ZPBP: variants seen among roughly 807,000 people sequenced by gnomAD.
The protein encoded by ZPBP is zona pellucida-binding protein 1.
Under a neutral mutation model 44.8 loss-of-function variants are expected in ZPBP, and 26 were observed. The observed-to-expected ratio is 0.58, with a 90% CI of 0.43 to 0.81. ZPBP has a LOEUF of 0.81. ZPBP is among the 30% of genes least tolerant of loss of function. The pLI is 0.00. For synonymous variants in ZPBP, 174 were observed against 153.2 expected, an observed-to-expected ratio of 1.14 and a Z score of -1.00; for missense variants, 409 against 434.0, an observed-to-expected ratio of 0.94 and a Z score of 0.51.
chr7:49,841,154 T>A, the ZPBP span, among the ~76,000 whole-genome samples: 1 of 152,190 alleles, frequency 6.6e-6, no homozygotes, highest in South Asian at 2.1e-4. Context: ...CAGGAGGGAT[T>A]CCAGAGCAAG....
intron 7 of ZPBP, among the ~76,000 whole-genome samples, chr7:49,965,449 C>T (rs1305422456): frequency 6.6e-6 from 1 of 151,900 alleles, no homozygotes; most frequent in African/African-American, 2.4e-5. Flanking sequence ...TAAAAGAAGA[C>T]ATTTAGATAT....
intron 4 of ZPBP, among the ~76,000 whole-genome samples, chr7:50,049,374 G>T (rs1317141594): frequency 6.6e-6 from 1 of 151,754 alleles, no homozygotes; most frequent in African/African-American, 2.4e-5. Context: ...CTATATACCA[G>T]TATCTCTTAT....
At chr7:50,012,364 T>C (rs1798627717) in intron 6 of ZPBP, among the ~76,000 whole-genome samples, 1 of 151,846 alleles carries the variant, frequency 6.6e-6, no homozygotes, top group African/African-American at 2.4e-5. Context: ...CTATCAAACA[T>C]CTTAAGGAAA....
At chr7:49,929,430 C>G (rs866833647) in intron 1 of ZPBP, among the ~76,000 whole-genome samples, 1 of 152,230 alleles carries the variant, frequency 6.6e-6, no homozygotes, top group Middle Eastern at 3.4e-3. Context: ...AGGCCTCTGA[C>G]TTCTCAAAGA....
rs974235535 is a variant in ZPBP, at chr7:49,937,678, A to T, written c.962-56T>A. On this transcript the variant is annotated intron_variant, in intron 7 of 7. Coordinates refer to ENST00000046087, the MANE Select transcript of ZPBP (RefSeq NM_007009.3). The stretch of plus-strand genomic sequence containing the variant: ...ATTTTCCTAATACACATAATATAAA[A>T]TTTCCAATCTCAATTCTTTTAAGTG... The T allele has an allele frequency of 2.2e-6, 3 of 1,370,938 alleles. No homozygotes were observed. The African/African-American group carries it at 4.3e-5, about 20-fold the overall frequency. 84.9% of individuals were successfully genotyped at this position (1,370,938 alleles called of 1,614,324 possible).
intron 5 of ZPBP, among the ~76,000 whole-genome samples, chr7:50,028,602 A>C (rs926083987): frequency 5.9e-5 from 9 of 152,126 alleles, no homozygotes; most frequent in East Asian, 1.9e-4. Context: ...CACACACACA[A>C]AAAAAACACT....
At chr7:50,063,355 A>T (rs79126795) in intron 3 of ZPBP, among the ~76,000 whole-genome samples, 1 of 152,248 alleles carries the variant, frequency 6.6e-6, no homozygotes, top group Non-Finnish European at 1.5e-5. Flanking sequence ...TATCACAAAG[A>T]TGTTCATAGA....
At position 49,909,546 on chromosome 7, in the gene ZPBP, G is replaced by C. The variant is rs541162538; in HGVS notation, n.412-8331C>G. ...GAATATCCTTTTGGGGCCACTGGGTGGGGAGGGGTCTTGAATTTAAAGTCT... is the reference window on the plus strand; with the variant it reads ...GAATATCCTTTTGGGGCCACTGGGTCGGGAGGGGTCTTGAATTTAAAGTCT... On this transcript the variant is annotated intron_variant and non_coding_transcript_variant, in intron 1 of 2. Coordinates refer to the ZPBP transcript ENST00000465922. Among the ~76,000 whole-genome samples the C allele has an allele frequency of 6.6e-5, 10 of 152,232 alleles. No homozygotes were observed. The South Asian group carries it at 2.1e-3, about 32-fold the overall frequency.
chr7:50,040,422 A>C (rs1800020196), intron 4 of ZPBP, among the ~76,000 whole-genome samples: 1 of 152,176 alleles, frequency 6.6e-6, no homozygotes, highest in Non-Finnish European at 1.5e-5. Flanking sequence ...CAGCGAGATC[A>C]ACGCAGAAGG....
At chr7:50,051,304 G>A (rs865776054) in intron 4 of ZPBP, among the ~76,000 whole-genome samples, 2 of 152,134 alleles carry the variant, frequency 1.3e-5, no homozygotes, top group African/African-American at 4.8e-5. Flanking sequence ...CGAGGTTGAG[G>A]AGAAACAGGA....
At chr7:49,980,098 A>ATATAATTATAATATAATTTTATAT in intron 7 of ZPBP, among the ~76,000 whole-genome samples, 1 of 96,608 alleles carries the variant, frequency 1.0e-5, no homozygotes, top group South Asian at 2.9e-4. Context: ...TTTATATTAT[A>ATATAATTATAATATAATTTTATAT]TATAATTATA....
At chr7:50,064,549 C>T (rs1438965313) in intron 3 of ZPBP, among the ~76,000 whole-genome samples, 1 of 152,184 alleles carries the variant, frequency 6.6e-6, no homozygotes, top group Admixed American at 6.5e-5. Flanking sequence ...GGGGCCAGTT[C>T]AGAGACCTAC....
chr7:49,983,576 C>G lies in ZPBP; in HGVS notation c.784-57G>C, dbSNP rs1050265873. The G allele has an allele frequency of 1.9e-5, 21 of 1,126,882 alleles. No homozygotes were observed. The East Asian group carries it at 5.3e-4, about 29-fold the overall frequency. The allele number at this position is 1,126,882 out of a possible 1,614,324, so 69.8% of individuals were successfully genotyped here. A position where few individuals can be genotyped will look rare whatever the true frequency, so the allele number is the denominator to read the frequency against. ...AGCCATAAAAAATGTAATTTTAGAA[C>G]AAATAAGGATGCATGTGGATTTAGA... On this transcript the variant is annotated intron_variant, in intron 6 of 7. Transcript: ENST00000046087.
Position 49,943,714 on chromosome 7 carries a change from T to C in ZPBP, c.962-6092A>G, listed in dbSNP as rs530670139. On this transcript the variant is annotated intron_variant, in intron 7 of 7. Coordinates refer to ENST00000046087, the MANE Select transcript of ZPBP (RefSeq NM_007009.3). The stretch of plus-strand genomic sequence containing the variant: ...TTCCCAGGGTTTATTCTTTTTCAAG[T>C]ATGGCTCAAGGCTCAATGTGACGGG... 7 of 253,610 alleles carry C rather than the reference T, an allele frequency of 2.8e-5. No individual in the cohort carries two copies. The South Asian group carries it at 3.3e-4, about 12-fold the overall frequency. 15.7% of individuals were successfully genotyped at this position (253,610 alleles called of 1,614,324 possible).
chr7:49,842,230 T>C, the ZPBP span, among the ~76,000 whole-genome samples: 3 of 152,150 alleles, frequency 2.0e-5, no homozygotes, highest in Non-Finnish European at 4.4e-5. Context: ...ACATGTTAAA[T>C]CTTAGTGGAT....
chr7:49,987,110 C>T (rs1038032621), intron 6 of ZPBP, among the ~76,000 whole-genome samples: 17 of 152,174 alleles, frequency 1.1e-4, no homozygotes, highest in Non-Finnish European at 1.9e-4. Context: ...TTCCCCTCCA[C>T]GAACCACCTT....
At chr7:50,041,704 G>A (rs1800103106) in intron 4 of ZPBP, among the ~76,000 whole-genome samples, 1 of 152,192 alleles carries the variant, frequency 6.6e-6, no homozygotes, top group Admixed American at 6.5e-5. Context: ...TAGATAAATT[G>A]ATGAAGTTGA....
chr7:50,047,374 T>C (rs1364296289), intron 4 of ZPBP, among the ~76,000 whole-genome samples: 1 of 152,012 alleles, frequency 6.6e-6, no homozygotes, highest in Admixed American at 6.6e-5. Flanking sequence ...TATACACTAA[T>C]GCTAATGATA....
intron 4 of ZPBP, among the ~76,000 whole-genome samples, chr7:50,047,761 T>C (rs1301742936): frequency 6.6e-6 from 1 of 151,900 alleles, no homozygotes; most frequent in Non-Finnish European, 1.5e-5. Flanking sequence ...AAGTTCCTGC[T>C]TTCCAGCCAG....
Sources: gnomAD v4.1 joint callset for allele counts (sites outside exome capture counted in the v4.1 genomes callset) on GRCh38, gnomAD v4.1.1 for gene constraint, MANE v1.5 for transcripts, NCBI Gene and HGNC (gene_info 2026-07-23, HGNC 2026-07-21) for gene names.